The following SPATC1 variants were observed in gnomAD, a reference collection of about 807,000 sequenced individuals.
SPATC1 encodes the protein spermatogenesis and centriole associated 1.
Under a neutral mutation model 36.5 loss-of-function variants are expected in SPATC1, and 35 were observed. The ratio of observed to expected loss-of-function variants is 0.96; its 90% CI spans 0.73 to 1.27. The LOEUF (loss-of-function observed/expected upper bound fraction) is 1.27. Ranked by LOEUF, SPATC1 falls within the 50% of genes most tolerant of loss-of-function variation. The pLI, the probability that SPATC1 is intolerant of heterozygous loss-of-function variation, is 0.00. For missense variants in SPATC1, 779 were observed against 796.0 expected (o/e 0.98, Z 0.26); for synonymous variants, 361 against 353.6 (o/e 1.02, Z -0.24).
At chr8:144,044,093 C>T (rs149003663) in intron 4 of SPATC1, among the ~76,000 whole-genome samples, 11 of 152,312 alleles carry the variant, frequency 7.2e-5, no homozygotes, top group African/African-American at 2.4e-4. Context: ...TAGTATCGAG[C>T]CAGGTGTACA....
chr8:144,029,027 G>C (rs1234948806), intron 1 of SPATC1, among the ~76,000 whole-genome samples: 1 of 151,712 alleles, frequency 6.6e-6, no homozygotes, highest in Admixed American at 6.6e-5. Flanking sequence ...ACAGGGAGGA[G>C]AGCAACACAC....
At chr8:144,020,056 C>T (rs1834475031) in intron 1 of SPATC1, among the ~76,000 whole-genome samples, 1 of 151,940 alleles carries the variant, frequency 6.6e-6, no homozygotes, top group African/African-American at 2.4e-5. Flanking sequence ...CTGCGAACCC[C>T]ACAGATGCAT....
chr8:144,034,911 G>A (rs1377939848), intron 1 of SPATC1, among the ~76,000 whole-genome samples: 1 of 152,142 alleles, frequency 6.6e-6, no homozygotes, highest in Admixed American at 6.5e-5. Context: ...GTGAAACACT[G>A]CGCCTGGCAA....
Position 144,045,735 on chromosome 8 carries a change from G to C in SPATC1, c.1447-892G>C, listed in dbSNP as rs1347541726. Among the ~76,000 whole-genome samples the C allele has an allele frequency of 6.6e-6, 1 of 152,246 alleles. No individual in the cohort carries two copies. Among genetic ancestry groups the C allele is most frequent in the Non-Finnish European group, 1.5e-5 (1 of 68,038 alleles). On this transcript the variant is annotated intron_variant, in intron 4 of 4. Coordinates refer to ENST00000377470, the MANE Select transcript of SPATC1 (RefSeq NM_198572.3). The surrounding 1 kb of genome is among the most constrained non-coding windows in gnomAD (Gnocchi z 5.2). ...GGCAGGGGCAGCTGCACCTGTGACA[G>C]GCTGCAAGACTGGCAGGGCCCAGTG...
At chr8:144,042,076 GAA>G (rs1835116973) in intron 4 of SPATC1, 1 of 902,946 alleles carries the variant, frequency 1.1e-6, no homozygotes, top group Non-Finnish European at 1.3e-6. Context: ...ACCTGAAAAA[GAA>G]AAAGAGTACA....
At chr8:144,043,312 T>G (rs1472081239) in intron 4 of SPATC1, among the ~76,000 whole-genome samples, 1 of 146,986 alleles carries the variant, frequency 6.8e-6, no homozygotes, top group Non-Finnish European at 1.5e-5. Flanking sequence ...TTTTTTTTTT[T>G]GCTCTGTCAC....
At position 144,046,511 on chromosome 8, in the gene SPATC1, C is replaced by A; in HGVS notation, c.1447-116C>A. Reference sequence around the variant, plus strand: ...GGTCTGTCGCAGAACCTCCCCACCGCACACCCCTCGGATCCTGGCCATCTC... The same window carrying A: ...GGTCTGTCGCAGAACCTCCCCACCGAACACCCCTCGGATCCTGGCCATCTC... On this transcript the variant is annotated intron_variant, in intron 4 of 4. Transcript: ENST00000377470. The surrounding 1 kb of genome is among the most constrained non-coding windows in gnomAD (Gnocchi z 6.6). The A allele has an allele frequency of 1.0e-6, 1 of 970,882 alleles. No homozygotes were observed. The highest frequency in any genetic ancestry group is 1.5e-6 in the Non-Finnish European group (1 of 656,014). The allele number at this position is 970,882 out of a possible 1,614,324, so 60.1% of individuals were successfully genotyped here. A position where few individuals can be genotyped will look rare whatever the true frequency, so the allele number is the denominator to read the frequency against.
At chr8:144,026,087 C>T (rs1305792213) in intron 1 of SPATC1, among the ~76,000 whole-genome samples, 3 of 152,236 alleles carry the variant, frequency 2.0e-5, no homozygotes, top group African/African-American at 4.8e-5. Context: ...TATCACACCC[C>T]TACCCTCTCA....
At chr8:144,039,607 T>G (rs962808937) in intron 1 of SPATC1, among the ~76,000 whole-genome samples, 1 of 152,092 alleles carries the variant, frequency 6.6e-6, no homozygotes, top group Non-Finnish European at 1.5e-5. Flanking sequence ...CTGGGGGCAG[T>G]GGGCAAGTGG....
chr8:144,030,189 C>A (rs1834766506), intron 1 of SPATC1, among the ~76,000 whole-genome samples: 1 of 152,160 alleles, frequency 6.6e-6, no homozygotes, highest in Non-Finnish European at 1.5e-5. Context: ...GTCTTTCGAT[C>A]TAAAGTGAGT....
chr8:144,012,440 G>A lies in SPATC1; in HGVS notation c.-76G>A. On this transcript the variant is annotated 5_prime_UTR_variant, in exon 1 of 5. Transcript: ENST00000377470. ...GACTCTGCACCCTCCTTCAGCCCAG[G>A]CAAGGCCTGGGGCCCTGGGCAGCCT... is the stretch of plus-strand genomic sequence containing the variant. 2 of 1,350,204 alleles carry A rather than the reference G, an allele frequency of 1.5e-6. No homozygotes were observed. Among genetic ancestry groups the A allele is most frequent in the Admixed American group, 2.0e-5 (1 of 49,580 alleles). The allele number at this position is 1,350,204 out of a possible 1,614,324, so 83.6% of individuals were successfully genotyped here.
At chr8:144,018,018 G>A (rs1010682161) in intron 1 of SPATC1, among the ~76,000 whole-genome samples, 2 of 152,174 alleles carry the variant, frequency 1.3e-5, no homozygotes, top group African/African-American at 2.4e-5. Flanking sequence ...GGTAGGGGGC[G>A]AGGCCATCTG....
Position 144,040,970 on chromosome 8 carries a change from C to T in SPATC1, c.1169C>T (p.Pro390Leu). Residue 390 changes from proline (P) to leucine (L), a missense_variant, in exon 3 of 5, where the codon CCT (proline) becomes CTT (leucine). Physicochemically the swap from Pro to Leu is moderately conservative, Grantham distance 98. Coordinates refer to ENST00000377470, the MANE Select transcript of SPATC1 (RefSeq NM_198572.3). ...HCPPHNAHSP[P>L]RTSSSPASVN... ...CCTCCACACAACGCCCACTCCCCAC[C>T]TCGTACCTCATCCTCCCCGGCTTCA... 6.2e-7 allele frequency: 1 copy of T among 1,612,246 alleles called. No homozygotes were observed. Among genetic ancestry groups the T allele is most frequent in the Non-Finnish European group, 8.5e-7 (1 of 1,179,750 alleles).
chr8:144,034,870 C>T (rs1444653802), intron 1 of SPATC1, among the ~76,000 whole-genome samples: 14 of 152,320 alleles, frequency 9.2e-5, no homozygotes, highest in Middle Eastern at 3.4e-3. Context: ...ATCCACCTGC[C>T]TCGGCCTCCC....
chr8:144,019,286 A>T (rs1834456253), intron 1 of SPATC1, among the ~76,000 whole-genome samples: 1 of 152,194 alleles, frequency 6.6e-6, no homozygotes. Flanking sequence ...TCTGGCTGAG[A>T]GCGCAGCCAA....
At chr8:144,038,048 AC>A (rs1313494695) in intron 1 of SPATC1, among the ~76,000 whole-genome samples, 1 of 148,612 alleles carries the variant, frequency 6.7e-6, no homozygotes. Flanking sequence ...AATGGCGTGA[AC>A]CCCGGGGGGC....
intron 4 of SPATC1, among the ~76,000 whole-genome samples, chr8:144,044,776 G>A (rs548328319): frequency 1.2e-4 from 18 of 151,910 alleles, no homozygotes; most frequent in African/African-American, 1.9e-4. Flanking sequence ...ATGAAACCCC[G>A]TCTCTACTAA....
At chr8:144,014,290 G>A (rs1249622728) in intron 1 of SPATC1, among the ~76,000 whole-genome samples, 3 of 144,836 alleles carry the variant, frequency 2.1e-5, no homozygotes, top group Non-Finnish European at 3.0e-5. Context: ...AGAGAGAGAG[G>A]AAGGAAGGAA....
intron 1 of SPATC1, among the ~76,000 whole-genome samples, chr8:144,028,283 G>A (rs1834725125): frequency 1.3e-5 from 2 of 151,978 alleles, no homozygotes; most frequent in South Asian, 4.1e-4. Context: ...TATAGAATGG[G>A]AGAAGATGTT....
Sources: allele counts gnomAD v4.1 joint callset (sites outside exome capture counted in the v4.1 genomes callset), GRCh38; gene constraint gnomAD v4.1.1; non-coding constraint Gnocchi (gnomAD v3.1); transcripts MANE v1.5; gene names NCBI Gene and HGNC (gene_info 2026-07-23, HGNC 2026-07-21).